ODAD2: variants seen among roughly 807,000 people sequenced by gnomAD.
ODAD2 encodes outer dynein arm-docking complex subunit 2.
Under a neutral mutation model 106.8 loss-of-function variants are expected in ODAD2, and 89 were observed. The observed-to-expected ratio is 0.83, with a 90% CI of 0.70 to 0.99. The LOEUF (loss-of-function observed/expected upper bound fraction) is 0.99. Ranked by LOEUF, ODAD2 falls within the 50% of genes least tolerant of loss-of-function variation. The probability of loss-of-function intolerance (pLI) is 0.00; values close to 1 mark genes in which losing one functional copy is unlikely to be tolerated. For synonymous variants in ODAD2, 404 were observed against 436.2 expected (o/e 0.93, Z 0.92); for missense variants, 1,168 against 1,238.5 (o/e 0.94, Z 0.85).
At chr10:27,835,514 A>C (rs1174404441) in intron 19 of ODAD2, among the ~76,000 whole-genome samples, 2 of 152,122 alleles carry the variant, frequency 1.3e-5, no homozygotes, top group Non-Finnish European at 2.9e-5. Flanking sequence ...GAGTTAGGGC[A>C]CCACGCCCTC....
chr10:27,830,895 A>G (rs1837425240), intron 19 of ODAD2, among the ~76,000 whole-genome samples: 1 of 152,218 alleles, frequency 6.6e-6, no homozygotes, highest in African/African-American at 2.4e-5. Flanking sequence ...TACTTCTGGC[A>G]AGATTCTTTA....
intron 17 of ODAD2, among the ~76,000 whole-genome samples, chr10:27,868,272 A>G (rs563181084): frequency 6.6e-6 from 1 of 152,294 alleles, no homozygotes; most frequent in Non-Finnish European, 1.5e-5. Flanking sequence ...CAGTGTGGTG[A>G]TTCCTCAAGG....
chr10:27,910,567 G>A (rs1040785998), intron 16 of ODAD2, among the ~76,000 whole-genome samples: 1 of 151,896 alleles, frequency 6.6e-6, no homozygotes, highest in Non-Finnish European at 1.5e-5. Context: ...ACTAGCCCAG[G>A]CAACAAAGGA....
chr10:27,936,769 C>T lies in ODAD2; in HGVS notation c.2209G>A (p.Gly737Arg), dbSNP rs749486825. The T allele has an allele frequency of 1.9e-6, 3 of 1,614,022 alleles. No homozygotes were observed. Among genetic ancestry groups the T allele is most frequent in the Non-Finnish European group, 2.5e-6 (3 of 1,179,942 alleles). ...DNKERLAAVT[G>R]AIWKCSISKE... ...CTGATGGAACATTTCCATATAGCCC[C>T]TGTGACAGCAGCTAACCGCTCTTTA... The change falls in exon 15 of 20, where the codon GGG (glycine) becomes AGG (arginine). Residue 737 changes from glycine (G) to arginine (R), a missense_variant. Transcript: ENST00000305242.
intron 17 of ODAD2, among the ~76,000 whole-genome samples, chr10:27,884,990 T>C (rs1036157115): frequency 6.6e-6 from 1 of 151,996 alleles, no homozygotes; most frequent in African/African-American, 2.4e-5. Flanking sequence ...TTTCTTTAAA[T>C]GCCCAGTTTT....
At chr10:27,885,493 G>C (rs1277049288) in intron 17 of ODAD2, among the ~76,000 whole-genome samples, 1 of 89,844 alleles carries the variant, frequency 1.1e-5, no homozygotes, top group East Asian at 3.0e-4. Context: ...CTGGGTGACA[G>C]AGTGAGACTC....
chr10:27,981,680 C>T, intron 6 of ODAD2, 98 bp from the exon 7 acceptor site: 8 of 883,750 alleles, frequency 9.1e-6, no homozygotes, highest in South Asian at 1.8e-5. Context: ...TTATTTTCAT[C>T]TCCGAAGGAT....
chr10:27,982,540 T>C (rs1849620896), intron 6 of ODAD2, among the ~76,000 whole-genome samples: 1 of 152,180 alleles, frequency 6.6e-6, no homozygotes, highest in Non-Finnish European at 1.5e-5. Flanking sequence ...CTTATTTGTC[T>C]ACTGCCTCTT....
intron 16 of ODAD2, among the ~76,000 whole-genome samples, chr10:27,922,966 T>C (rs1214677130): frequency 6.9e-6 from 1 of 145,984 alleles, no homozygotes; most frequent in African/African-American, 2.7e-5. Flanking sequence ...AACTAAATAG[T>C]GAATGATTAA....
intron 19 of ODAD2, among the ~76,000 whole-genome samples, chr10:27,852,885 T>C (rs11595836): frequency 0.65 from 96,195 of 147,782 alleles, 31,091 homozygotes; most frequent in Middle Eastern, 0.74. Flanking sequence ...CGCTTGAACC[T>C]GGGAGGTGGA....
At chr10:27,972,926 A>T (rs1304284933) in intron 7 of ODAD2, among the ~76,000 whole-genome samples, 1 of 152,156 alleles carries the variant, frequency 6.6e-6, no homozygotes, top group Non-Finnish European at 1.5e-5. Context: ...TTTAAAAGAC[A>T]CACCTCTCAT....
At chr10:27,843,217 G>A (rs1838438602) in intron 19 of ODAD2, among the ~76,000 whole-genome samples, 1 of 152,102 alleles carries the variant, frequency 6.6e-6, no homozygotes, top group Non-Finnish European at 1.5e-5. Flanking sequence ...TGTTTACTGT[G>A]GAGTACAAAG....
Position 27,939,891 on chromosome 10 carries a change from CT to C in ODAD2, c.2097+5del. 6.3e-7 allele frequency: 1 copy of C among 1,577,654 alleles called. No homozygotes were observed. The highest frequency in any genetic ancestry group is 8.6e-7 in the Non-Finnish European group (1 of 1,158,776). ...CGCCAACAACCGCTGGGAGAGTTCACTGCACCTGGTAAATGGCCATGGCGCA... is the reference window on the plus strand; with the variant it reads ...CGCCAACAACCGCTGGGAGAGTTCACGCACCTGGTAAATGGCCATGGCGCA... On this transcript the variant is annotated splice_donor_5th_base_variant and intron_variant, in intron 14 of 19. Transcript: ENST00000305242.
intron 16 of ODAD2, among the ~76,000 whole-genome samples, chr10:27,908,891 G>A (rs973315127): frequency 1.3e-5 from 2 of 152,060 alleles, no homozygotes; most frequent in Non-Finnish European, 2.9e-5. Context: ...GATAAAAACT[G>A]TCTTAAAAAG....
rs554582469 is a variant in ODAD2 at position 27,940,614 on chromosome 10, A to C, written c.1935T>G (p.His645Gln). The change falls in exon 13 of 20, where the codon CAT becomes CAG. Residue 645 changes from histidine (H) to glutamine (Q), a missense_variant. Transcript: ENST00000305242. Reference sequence around the variant, plus strand: ...CCACCACTGGAATTAGCATGTTTTCATGAGAAGTCTTCAGCAGCCGAGCCA... The same window carrying C: ...CCACCACTGGAATTAGCATGTTTTCCTGAGAAGTCTTCAGCAGCCGAGCCA... ...PLLARLLKTS[H>Q]ENMLIPVVGT... 6.2e-7 allele frequency: 1 copy of C among 1,614,150 alleles called. No homozygotes were observed. The highest frequency in any genetic ancestry group is 1.1e-5 in the South Asian group (1 of 91,078).
intron 1 of ODAD2, among the ~76,000 whole-genome samples, chr10:27,997,953 A>T (rs1467622003): frequency 2.0e-5 from 3 of 152,194 alleles, no homozygotes; most frequent in South Asian, 2.1e-4. Context: ...ATAAACTGGG[A>T]TGTTTACATA....
intron 17 of ODAD2, among the ~76,000 whole-genome samples, chr10:27,884,242 T>C (rs1000062990): frequency 1.3e-5 from 2 of 152,138 alleles, no homozygotes; most frequent in Admixed American, 6.6e-5. Flanking sequence ...GTAGAGATGT[T>C]ACCAAGATGG....
chr10:27,852,604 A>C (rs1839342319), intron 19 of ODAD2, among the ~76,000 whole-genome samples: 1 of 152,226 alleles, frequency 6.6e-6, no homozygotes, highest in Admixed American at 6.5e-5. Flanking sequence ...GAGATAGAAA[A>C]AGATGAGTAA....
rs535562644 is a variant in ODAD2, at chr10:27,931,440, T to TTC, written c.2495+3568_2495+3569dup. On this transcript the variant is annotated intron_variant, in intron 16 of 19. Transcript: ENST00000305242. Reference sequence around the variant, plus strand: ...GCATTACTAATAAATGTTTACTGCCTTCTCATCATCTACTTTACTATTTTA... The same window carrying TTC: ...GCATTACTAATAAATGTTTACTGCCTTCTCTCATCATCTACTTTACTATTTTA... Among the ~76,000 whole-genome samples the TTC allele has an allele frequency of 3.5e-3, 537 of 152,210 alleles. 2 individuals are homozygous for TTC. Among genetic ancestry groups the TTC allele is most frequent in the African/African-American group, 0.012 (511 of 41,530 alleles).
Sources: gnomAD v4.1 joint callset for allele counts (sites outside exome capture counted in the v4.1 genomes callset) on GRCh38, gnomAD v4.1.1 for gene constraint, MANE v1.5 for transcripts, NCBI Gene and HGNC (gene_info 2026-07-23, HGNC 2026-07-21) for gene names.